Variants in CDH13 observed in about 807,000 individuals in gnomAD.
CDH13 encodes cadherin-13.
In CDH13, 24 loss-of-function variants were observed where a neutral mutation model predicts 63.8. That is an observed-to-expected ratio of 0.38 (90% confidence interval 0.27 to 0.53). The LOEUF is 0.53. Ranked by LOEUF, CDH13 falls within the 20% of genes least tolerant of loss-of-function variation. The pLI is 0.85. For synonymous variants in CDH13, 503 were observed against 355.3 expected, an observed-to-expected ratio of 1.42 and a Z score of -4.67; for missense variants, 1,049 against 903.1, an observed-to-expected ratio of 1.16 and a Z score of -2.07.
At chr16:82,635,858 G>A (rs1388289727) in intron 1 of CDH13, among the ~76,000 whole-genome samples, 5 of 152,146 alleles carry the variant, frequency 3.3e-5, no homozygotes, top group African/African-American at 1.2e-4. Flanking sequence ...GTTCTCACAA[G>A]ACATGGTTAT....
intron 2 of CDH13, among the ~76,000 whole-genome samples, chr16:82,947,003 C>CTTGTGTGT (rs1904796282): frequency 1.1e-5 from 1 of 91,232 alleles, no homozygotes; most frequent in Admixed American, 1.2e-4. Context: ...AGTGCGCACG[C>CTTGTGTGT]CTGTGTGTGT....
intron 1 of CDH13, among the ~76,000 whole-genome samples, chr16:82,763,105 C>G (rs980825035): frequency 1.3e-5 from 2 of 152,154 alleles, no homozygotes; most frequent in African/African-American, 4.8e-5. Flanking sequence ...ACACCCCAGG[C>G]GTCCTTGTAC....
At chr16:83,475,419 C>T (rs997262123) in intron 6 of CDH13, among the ~76,000 whole-genome samples, 1 of 152,192 alleles carries the variant, frequency 6.6e-6, no homozygotes, top group East Asian at 1.9e-4. Flanking sequence ...GGTCTGGATC[C>T]CTAAGCTGCC....
chr16:83,176,969 A>C (rs1197519720), intron 4 of CDH13, among the ~76,000 whole-genome samples: 1 of 151,918 alleles, frequency 6.6e-6, no homozygotes, highest in African/African-American at 2.4e-5. Flanking sequence ...GAAAGTTTTT[A>C]CCCCGGATGC....
chr16:82,936,362 T>C (rs938892435), intron 2 of CDH13, among the ~76,000 whole-genome samples: 1 of 152,204 alleles, frequency 6.6e-6, no homozygotes, highest in Admixed American at 6.5e-5. Flanking sequence ...ACGTGAACCC[T>C]ATTGTGAATT....
intron 1 of CDH13, among the ~76,000 whole-genome samples, chr16:82,709,616 T>C (rs2151003705): frequency 6.6e-6 from 1 of 152,354 alleles, no homozygotes; most frequent in Middle Eastern, 3.4e-3. Flanking sequence ...TCATGTCAAG[T>C]ATTTGGCCCA....
chr16:83,691,338 A>G (rs7194944), intron 10 of CDH13, among the ~76,000 whole-genome samples: 3,032 of 152,208 alleles, frequency 0.02, 113 homozygotes, highest in African/African-American at 0.07. Context: ...TGCTACAGAT[A>G]GAAGCCTGGG....
intron 11 of CDH13, among the ~76,000 whole-genome samples, chr16:83,759,577 A>G (rs147903948): frequency 5.1e-4 from 77 of 152,256 alleles, no homozygotes; most frequent in African/African-American, 1.7e-3. Context: ...TCTTCAAATG[A>G]CACAGTTAAG....
In CDH13 at chr16:82,879,507, ATATATT is replaced by A. The variant is rs1221628621; in HGVS notation, c.157+21039_157+21044del. Among the ~76,000 whole-genome samples the A allele has an allele frequency of 4.5e-4, 65 of 144,578 alleles. 1 individual carries two copies. The highest frequency in any genetic ancestry group is 1.5e-3 in the African/African-American group (61 of 39,908). The allele number at this position is 144,578 out of a possible 152,430, so 94.8% of individuals were successfully genotyped here. On this transcript the variant is annotated intron_variant, in intron 2 of 13. Coordinates refer to ENST00000567109, the MANE Select transcript of CDH13 (RefSeq NM_001257.5). ...TATAATTTAATTAAATATATTTAAT[ATATATT>A]TATAGTATATTAATATTTAATATAT...
intron 4 of CDH13, among the ~76,000 whole-genome samples, chr16:83,161,467 C>T (rs958596126): frequency 1.3e-5 from 2 of 152,038 alleles, no homozygotes; most frequent in African/African-American, 4.8e-5. Flanking sequence ...TTTAAGGAGT[C>T]AGAATGTAAT....
At chr16:83,366,401 G>A (rs899777801) in intron 6 of CDH13, among the ~76,000 whole-genome samples, 16 of 152,252 alleles carry the variant, frequency 1.1e-4, no homozygotes, top group African/African-American at 3.9e-4. Context: ...AGGAGGTTGC[G>A]CTGACTGCAT....
intron 6 of CDH13, among the ~76,000 whole-genome samples, chr16:83,374,622 C>A (rs1234205225): frequency 6.6e-6 from 1 of 152,190 alleles, no homozygotes; most frequent in East Asian, 1.9e-4. Context: ...AGATGCAGGT[C>A]AGTGATTTGT....
intron 8 of CDH13, among the ~76,000 whole-genome samples, chr16:83,635,770 T>C (rs1185365607): frequency 1.3e-5 from 2 of 152,196 alleles, no homozygotes; most frequent in African/African-American, 4.8e-5. Flanking sequence ...GTTCGTTATC[T>C]TAATAGAATC....
intron 1 of CDH13, among the ~76,000 whole-genome samples, chr16:82,770,361 A>T (rs566091937): frequency 9.2e-5 from 14 of 152,240 alleles, no homozygotes; most frequent in Non-Finnish European, 1.9e-4. Flanking sequence ...AACGTAAAAA[A>T]GGAAAAGGAA....
intron 8 of CDH13, among the ~76,000 whole-genome samples, chr16:83,658,792 C>G (rs1913144979): frequency 7.1e-6 from 1 of 140,640 alleles, no homozygotes; most frequent in Non-Finnish European, 1.5e-5. Context: ...GTCTCATGTC[C>G]TCACCACCAG....
chr16:82,924,505 T>C (rs1282958493), intron 2 of CDH13, among the ~76,000 whole-genome samples: 6 of 152,198 alleles, frequency 3.9e-5, no homozygotes, highest in African/African-American at 7.2e-5. Flanking sequence ...ATTTGTGGCT[T>C]TTATTTCTGC....
intron 1 of CDH13, among the ~76,000 whole-genome samples, chr16:82,758,078 C>G (rs2034687437): frequency 6.6e-6 from 1 of 152,090 alleles, no homozygotes. Context: ...TTGTTCATGA[C>G]CGGTGAGTGC....
At chr16:83,194,680 TA>T (rs2038823284) in intron 4 of CDH13, among the ~76,000 whole-genome samples, 1 of 152,210 alleles carries the variant, frequency 6.6e-6, no homozygotes, top group Non-Finnish European at 1.5e-5. Context: ...AAAGAGATTT[TA>T]AAAAACATTC....
intron 5 of CDH13, among the ~76,000 whole-genome samples, chr16:83,330,764 T>C (rs561284366): frequency 6.6e-6 from 1 of 152,300 alleles, no homozygotes; most frequent in South Asian, 2.1e-4. Context: ...AAATCACTCC[T>C]CATACGAAGG....
Sources: allele counts gnomAD v4.1 joint callset (sites outside exome capture counted in the v4.1 genomes callset), GRCh38; gene constraint gnomAD v4.1.1; transcripts MANE v1.5; gene names NCBI Gene and HGNC (gene_info 2026-07-23, HGNC 2026-07-21).